The following CNTN5 variants were observed in gnomAD, a reference collection of about 807,000 sequenced individuals.
CNTN5 encodes the protein contactin-5.
A neutral mutation model predicts 129.1 loss-of-function variants in CNTN5; 77 were observed. The ratio of observed to expected loss-of-function variants is 0.60; its 90% confidence interval spans 0.50 to 0.72. CNTN5 has a LOEUF of 0.72. Ranked by LOEUF, CNTN5 falls within the 30% of genes least tolerant of loss-of-function variation. The pLI, the probability that CNTN5 is intolerant of heterozygous loss-of-function variation, is 0.00. For synonymous variants in CNTN5, 509 were observed against 465.6 expected, an observed-to-expected ratio of 1.09 and a Z score of -1.20; for missense variants, 1,478 against 1,328.8, an observed-to-expected ratio of 1.11 and a Z score of -1.75.
intron 9 of CNTN5, among the ~76,000 whole-genome samples, chr11:100,028,097 G>A (rs1941518184): frequency 1.3e-5 from 2 of 152,010 alleles, no homozygotes; most frequent in Non-Finnish European, 2.9e-5. Flanking sequence ...GCAACTGAAA[G>A]GTAATAGAGT....
chr11:99,394,182 A>G (rs1034912807), intron 2 of CNTN5, among the ~76,000 whole-genome samples: 1 of 151,732 alleles, frequency 6.6e-6, no homozygotes, highest in African/African-American at 2.4e-5. Flanking sequence ...TTGAATATCA[A>G]CTTGTGTATA....
intron 3 of CNTN5, among the ~76,000 whole-genome samples, chr11:99,636,327 A>G (rs673798): frequency 0.61 from 93,198 of 151,888 alleles, 29,264 homozygotes; most frequent in Admixed American, 0.7. Flanking sequence ...ATATTTAGAC[A>G]TAGTTTGACA....
intron 9 of CNTN5, among the ~76,000 whole-genome samples, chr11:100,024,789 C>T (rs1591073767): frequency 6.6e-6 from 1 of 152,270 alleles, no homozygotes; most frequent in East Asian, 1.9e-4. Flanking sequence ...GAAGAAATTT[C>T]TAAGCAGCAC....
chr11:100,041,173 G>C (rs1028981225), intron 9 of CNTN5, among the ~76,000 whole-genome samples: 1 of 152,088 alleles, frequency 6.6e-6, no homozygotes, highest in South Asian at 2.1e-4. Context: ...CCAGGAGTTA[G>C]CATAGACTAC....
chr11:99,957,203 A>G (rs1950826549), intron 8 of CNTN5, among the ~76,000 whole-genome samples, 194 bp downstream of exon 8: 1 of 152,152 alleles, frequency 6.6e-6, no homozygotes, highest in Admixed American at 6.6e-5. Context: ...GAAATTGATG[A>G]TCCATGGTTG....
At chr11:100,153,139 C>A (rs1009700458) in intron 13 of CNTN5, among the ~76,000 whole-genome samples, 2 of 152,092 alleles carry the variant, frequency 1.3e-5, no homozygotes, top group Non-Finnish European at 2.9e-5. Flanking sequence ...TAGAATCCAG[C>A]TAGTATCAAA....
rs534637573 is a variant in CNTN5 at position 99,027,656 on chromosome 11, T to A, written c.-210+6386T>A. 1.2e-4 allele frequency among the ~76,000 whole-genome samples: 18 copies of A among 151,778 alleles called. No homozygotes were observed. In the South Asian group the frequency reaches 3.7e-3, roughly 31 times the overall value. On this transcript the variant is annotated intron_variant, in intron 1 of 24. Transcript: ENST00000524871. ...TTAGAATGAATATATACACTAAAAA[T>A]TCCTCAGTAGAACTGAATATGATAA...
intron 6 of CNTN5, among the ~76,000 whole-genome samples, chr11:99,901,973 G>A (rs1204136579): frequency 6.6e-6 from 1 of 152,130 alleles, no homozygotes; most frequent in East Asian, 1.9e-4. Context: ...CACAAGTAAG[G>A]AAATTGAGGT....
chr11:99,970,614 A>G (rs1234051143), intron 8 of CNTN5, among the ~76,000 whole-genome samples: 4 of 152,222 alleles, frequency 2.6e-5, no homozygotes, highest in East Asian at 1.9e-4. Flanking sequence ...AGTAAAGGTT[A>G]GCTATTAACA....
chr11:100,356,334 G>T lies in CNTN5; in HGVS notation c.*114G>T. 1.3e-6 allele frequency: 1 copy of T among 741,002 alleles called. No homozygotes were observed. Among genetic ancestry groups the T allele is most frequent in the South Asian group, 1.5e-5 (1 of 65,304 alleles). The allele number at this position is 741,002 out of a possible 1,614,324, so 45.9% of individuals were successfully genotyped here. A position where few individuals can be genotyped will look rare whatever the true frequency, so the allele number is the denominator to read the frequency against. ...GATGAGCTTGAGCTTTAAAAACTTG[G>T]GACTATACATGGTGAACTTACAGGA... On this transcript the variant is annotated 3_prime_UTR_variant, in exon 25 of 25. Transcript: ENST00000524871.
At chr11:100,296,669 C>T (rs1361161038) in intron 18 of CNTN5, among the ~76,000 whole-genome samples, 1 of 151,516 alleles carries the variant, frequency 6.6e-6, no homozygotes, top group East Asian at 1.9e-4. Flanking sequence ...TTTTCTGGCC[C>T]AAGGAGAATT....
chr11:99,218,123 C>A (rs139538410), intron 1 of CNTN5, among the ~76,000 whole-genome samples: 36 of 152,182 alleles, frequency 2.4e-4, no homozygotes, highest in Non-Finnish European at 4.0e-4. Flanking sequence ...TTTGCCAAAT[C>A]TAATGGTGGA....
In CNTN5 at chr11:99,141,143, GT is replaced by G. The variant is rs887120718; in HGVS notation, c.-210+119881del. 1.1e-4 allele frequency among the ~76,000 whole-genome samples: 16 copies of G among 151,878 alleles called. No individual in the cohort carries two copies. In the East Asian group the frequency reaches 1.7e-3, roughly 17 times the overall value. On this transcript the variant is annotated intron_variant, in intron 1 of 24. Transcript: ENST00000524871. ...GGTCCAGGATGTTTACTGGTTGGTA[GT>G]TTTTTTTATGATTAATTCAGTTTTG...
At chr11:99,878,497 G>A (rs974976226) in intron 6 of CNTN5, among the ~76,000 whole-genome samples, 1 of 152,124 alleles carries the variant, frequency 6.6e-6, no homozygotes. Context: ...AAAAACTACA[G>A]GTAAAATACC....
At chr11:99,615,961 C>A (rs1474403304) in intron 3 of CNTN5, among the ~76,000 whole-genome samples, 1 of 152,072 alleles carries the variant, frequency 6.6e-6, no homozygotes, top group African/African-American at 2.4e-5. Context: ...GTCTTCAACT[C>A]CTGGGCTCAA....
rs959285395 is a variant in CNTN5, at chr11:99,116,582, T to C, written c.-210+95312T>C. Among the ~76,000 whole-genome samples, 3 of 152,276 alleles carry C rather than the reference T, an allele frequency of 2.0e-5. No homozygotes were observed. In the South Asian group the frequency reaches 6.2e-4, roughly 32 times the overall value. ...TATTCTCTCTATATCATGGAGATCA[T>C]AGTATAGTGGGAGAGATGGATGTTT... is the stretch of plus-strand genomic sequence containing the variant. On this transcript the variant is annotated intron_variant, in intron 1 of 24. Coordinates refer to ENST00000524871, the MANE Select transcript of CNTN5 (RefSeq NM_014361.4).
At chr11:99,141,320 T>C (rs543227146) in intron 1 of CNTN5, among the ~76,000 whole-genome samples, 4 of 152,294 alleles carry the variant, frequency 2.6e-5, no homozygotes, top group African/African-American at 9.6e-5. Context: ...TTGATTTTTT[T>C]TTCATTTATT....
intron 18 of CNTN5, among the ~76,000 whole-genome samples, chr11:100,276,450 A>G (rs1950512677): frequency 6.6e-6 from 1 of 150,474 alleles, no homozygotes; most frequent in African/African-American, 2.5e-5. Context: ...GAGGCATGAG[A>G]ACCCGGGAGG....
chr11:100,042,022 A>C (rs1449856372), intron 9 of CNTN5, among the ~76,000 whole-genome samples: 7 of 152,174 alleles, frequency 4.6e-5, no homozygotes, highest in Non-Finnish European at 1.5e-5. Flanking sequence ...CAATTATTCT[A>C]ATCATTTGGA....
Sources: gnomAD v4.1 joint callset for allele counts (sites outside exome capture counted in the v4.1 genomes callset) on GRCh38, gnomAD v4.1.1 for gene constraint, MANE v1.5 for transcripts, NCBI Gene and HGNC (gene_info 2026-07-23, HGNC 2026-07-21) for gene names.